NAT10: variants seen among roughly 807,000 people sequenced by gnomAD.
NAT10 encodes RNA cytidine acetyltransferase.
Under a neutral mutation model 132.2 loss-of-function variants are expected in NAT10, and 109 were observed. The ratio of observed to expected loss-of-function variants is 0.82; its 90% CI spans 0.71 to 0.97. NAT10 has a LOEUF of 0.97. NAT10 is among the 50% of genes least tolerant of loss of function. The pLI is 0.00. For synonymous variants in NAT10, 479 were observed against 478.0 expected (o/e 1.00, Z -0.03); for missense variants, 1,184 against 1,263.4 (o/e 0.94, Z 0.95).
chr11:34,125,213 G>A (rs1030900415), intron 11 of NAT10, among the ~76,000 whole-genome samples: 1 of 152,064 alleles, frequency 6.6e-6, no homozygotes, highest in Admixed American at 6.6e-5. Flanking sequence ...TCTTCATTCT[G>A]TACATTTCTG....
In NAT10 at chr11:34,131,532, G is replaced by C; in HGVS notation, c.1520+1G>C. The C allele has an allele frequency of 1.2e-6, 2 of 1,612,036 alleles. No homozygotes were observed. Among genetic ancestry groups the C allele is most frequent in the Non-Finnish European group, 1.7e-6 (2 of 1,178,844 alleles). The stretch of plus-strand genomic sequence containing the variant: ...GCCCCTTGCCTGAAGCTTGTGAACT[G>C]TATCCTCCTCTGGGTTTCACTGGCC... On this transcript the variant is annotated splice_donor_variant, in intron 14 of 28. Coordinates refer to ENST00000257829, the MANE Select transcript of NAT10 (RefSeq NM_024662.3). LOFTEE classifies it high-confidence loss of function.
At position 34,137,262 on chromosome 11, in the gene NAT10, G is replaced by A. The variant is rs73500463; in HGVS notation, c.2211+236G>A. 8.9e-3 allele frequency among the ~76,000 whole-genome samples: 1,363 copies of A among 152,312 alleles called. 25 individuals are homozygous for A. The highest frequency in any genetic ancestry group is 0.031 in the African/African-American group (1,284 of 41,572). On this transcript the variant is annotated intron_variant, in intron 21 of 28. Coordinates refer to ENST00000257829, the MANE Select transcript of NAT10 (RefSeq NM_024662.3). ...ATGCGTTGAGCTTAGTCATAAAATG[G>A]CAGAGGTACACGTGGACTTGTTCAT...
chr11:34,127,874 A>G (rs1215375941), intron 12 of NAT10, among the ~76,000 whole-genome samples: 1 of 152,256 alleles, frequency 6.6e-6, no homozygotes, highest in Non-Finnish European at 1.5e-5. Context: ...TAGGTGTGAT[A>G]AAATGTTGAA....
intron 11 of NAT10, among the ~76,000 whole-genome samples, chr11:34,125,187 G>A (rs1193802931): frequency 6.6e-6 from 1 of 152,076 alleles, no homozygotes; most frequent in Non-Finnish European, 1.5e-5. Flanking sequence ...TTTCTTACTA[G>A]CCTCTTTCTA....
Position 34,136,789 on chromosome 11 carries a change from C to G in NAT10, c.2162+14C>G, listed in dbSNP as rs751330626. The G allele has an allele frequency of 6.2e-6, 10 of 1,614,130 alleles. No individual in the cohort carries two copies. The South Asian group carries it at 1.1e-4, about 18-fold the overall frequency. Reference sequence around the variant, plus strand: ...CAGGCTCCTCAAGTAAGTGCCTGCCCTCCTTCCACGGCATCACTCCTTGGC... The same window carrying G: ...CAGGCTCCTCAAGTAAGTGCCTGCCGTCCTTCCACGGCATCACTCCTTGGC... On this transcript the variant is annotated intron_variant, in intron 20 of 28. Coordinates refer to ENST00000257829, the MANE Select transcript of NAT10 (RefSeq NM_024662.3).
intron 8 of NAT10, among the ~76,000 whole-genome samples, chr11:34,119,017 T>C (rs1851837235): frequency 6.6e-6 from 1 of 152,238 alleles, no homozygotes; most frequent in Admixed American, 6.5e-5. Flanking sequence ...CTTTTGCCTA[T>C]AGCTTATTCA....
In NAT10 at chr11:34,129,186, T is replaced by C. The variant is rs189516825; in HGVS notation, c.1244+1587T>C. On this transcript the variant is annotated intron_variant, in intron 12 of 28. Transcript: ENST00000257829. Reference sequence around the variant, plus strand: ...AGGAGTGAAACTATTGGGCTAACTCTATGTTAGACCATGCGAGGAGCTGCC... The same window carrying C: ...AGGAGTGAAACTATTGGGCTAACTCCATGTTAGACCATGCGAGGAGCTGCC... 2.2e-3 allele frequency among the ~76,000 whole-genome samples: 340 copies of C among 152,346 alleles called. 1 individual carries two copies. The highest frequency in any genetic ancestry group is 0.014 in the Middle Eastern group (4 of 294).
intron 12 of NAT10, among the ~76,000 whole-genome samples, chr11:34,129,599 CTTTTTT>C: frequency 1.8e-5 from 1 of 56,726 alleles, no homozygotes; most frequent in Non-Finnish European, 3.0e-5. Flanking sequence ...TCTTCTTCTT[CTTTTTT>C]TTTTTTTTTT....
At chr11:34,140,751 T>C (rs879343591) in intron 24 of NAT10, among the ~76,000 whole-genome samples, 179 bp downstream of exon 24, 4 of 152,158 alleles carry the variant, frequency 2.6e-5, no homozygotes, top group Non-Finnish European at 5.9e-5. Flanking sequence ...AGTCGAGTAA[T>C]GTGTCCAGCC....
chr11:34,133,268 C>T (rs935456064), intron 16 of NAT10, 126 bp downstream of exon 16: 3 of 745,082 alleles, frequency 4.0e-6, no homozygotes, highest in East Asian at 5.2e-5. Context: ...AACCAAGGGG[C>T]TGGGTCTGCT....
chr11:34,139,139 T>C, intron 21 of NAT10, 52 bp from the exon 22 acceptor site: 1 of 1,479,022 alleles, frequency 6.8e-7, no homozygotes, highest in Non-Finnish European at 9.4e-7. Context: ...CAATGATGGG[T>C]TATTCAAAAA....
chr11:34,136,991 G>A lies in NAT10; in HGVS notation c.2176G>A (p.Ala726Thr), dbSNP rs755975033. 6.2e-6 allele frequency: 10 copies of A among 1,614,208 alleles called. No individual in the cohort carries two copies. In the South Asian group the frequency reaches 1.1e-4, roughly 18 times the overall value. ...TPRLLKFWKR[A>T]GFVPVYLRQT... ...GTATCTTTGCAGGTTCTGGAAACGAGCTGGATTTGTTCCTGTTTATCTGAG... is the reference window on the plus strand; with the variant it reads ...GTATCTTTGCAGGTTCTGGAAACGAACTGGATTTGTTCCTGTTTATCTGAG... The change falls in exon 21 of 29, where the codon GCT (alanine) becomes ACT (threonine). Residue 726 changes from alanine to threonine, a missense_variant. Ala to Thr is a moderately conservative substitution (Grantham distance 58, BLOSUM62 0). Coordinates refer to ENST00000257829, the MANE Select transcript of NAT10 (RefSeq NM_024662.3).
chr11:34,141,007 G>T, intron 24 of NAT10, 82 bp from the exon 25 acceptor site: 1 of 1,589,954 alleles, frequency 6.3e-7, no homozygotes, highest in South Asian at 1.1e-5. Flanking sequence ...CTTTGGTCAA[G>T]AGAGTACTCT....
rs367696829 is a variant in NAT10, at chr11:34,146,105, G to A, written c.2991G>A (p.Glu997=). 6.2e-7 allele frequency: 1 copy of A among 1,607,616 alleles called. No homozygotes were observed. The highest frequency in any genetic ancestry group is 1.3e-5 in the African/African-American group (1 of 74,582). ...CTAGTGACAAGAAAAGGAAGTTAGA[G>A]GCCAAACAAGAACCCAAACAGAGCA... ...SLKSDKKRKL[E]AKQEPKQSKK... The change falls in exon 29 of 29, where the codon GAG becomes GAA. Residue 997 remains glutamate (E), a synonymous_variant. Transcript: ENST00000257829.
Position 34,127,457 on chromosome 11 carries a change from C to G in NAT10, c.1108-6C>G. The G allele has an allele frequency of 6.2e-7, 1 of 1,600,556 alleles. No individual in the cohort carries two copies. The highest frequency in any genetic ancestry group is 8.5e-7 in the Non-Finnish European group (1 of 1,170,842). On this transcript the variant is annotated splice_polypyrimidine_tract_variant and splice_region_variant and intron_variant, in intron 11 of 28. Coordinates refer to ENST00000257829, the MANE Select transcript of NAT10 (RefSeq NM_024662.3). ...TGCTAATAATCTAAATTTTCCTTCCCCATAGTATATACATCCTGCAGATGC... is the reference window on the plus strand; with the variant it reads ...TGCTAATAATCTAAATTTTCCTTCCGCATAGTATATACATCCTGCAGATGC...
Position 34,133,919 on chromosome 11 carries a change from G to A in NAT10, c.1735-400G>A, listed in dbSNP as rs190433300. 2.9e-3 allele frequency among the ~76,000 whole-genome samples: 433 copies of A among 151,880 alleles called. 6 individuals carry two copies. Among genetic ancestry groups the A allele is most frequent in the African/African-American group, 9.7e-3 (401 of 41,396 alleles). ...TGTAATCCCAGCACTTTGGGAGGCC[G>A]AGGCGGGCGGATCACAAGGTCAGAA... On this transcript the variant is annotated intron_variant, in intron 16 of 28. Transcript: ENST00000257829.
intron 8 of NAT10, 72 bp from the exon 9 acceptor site, chr11:34,122,385 CCA>C (rs1851909496): frequency 6.3e-7 from 1 of 1,590,912 alleles, no homozygotes; most frequent in African/African-American, 1.3e-5. Context: ...CCTCACTTCT[CCA>C]CAGTGATGGT....
chr11:34,113,653 A>G lies in NAT10; in HGVS notation c.373-63A>G, dbSNP rs543280700. The G allele has an allele frequency of 9.7e-4, 1,483 of 1,521,184 alleles. 4 individuals carry two copies. Among genetic ancestry groups the G allele is most frequent in the Non-Finnish European group, 1.2e-3 (1,344 of 1,138,140 alleles). The allele number at this position is 1,521,184 out of a possible 1,614,324, so 94.2% of individuals were successfully genotyped here. A position where few individuals can be genotyped will look rare whatever the true frequency, so the allele number is the denominator to read the frequency against. ...CTCCATCTCAAAAAAAAAAAAAAAAAAAAAAAAGTCCTTTGGGTTGCTATT... is the reference window on the plus strand; with the variant it reads ...CTCCATCTCAAAAAAAAAAAAAAAAGAAAAAAAGTCCTTTGGGTTGCTATT... On this transcript the variant is annotated intron_variant, in intron 4 of 28. Transcript: ENST00000257829.
intron 12 of NAT10, among the ~76,000 whole-genome samples, chr11:34,129,295 A>G (rs1323719523): frequency 1.3e-5 from 2 of 152,094 alleles, no homozygotes; most frequent in African/African-American, 2.4e-5. Context: ...TCACACACTT[A>G]TTATGTATCT....
Sources: gnomAD v4.1 joint callset for allele counts (sites outside exome capture counted in the v4.1 genomes callset) on GRCh38, gnomAD v4.1.1 for gene constraint, MANE v1.5 for transcripts, NCBI Gene and HGNC (gene_info 2026-07-23, HGNC 2026-07-21) for gene names.